Variants in CACTIN observed in about 807,000 individuals in gnomAD.
The protein encoded by CACTIN is splicing factor Cactin.
Under a neutral mutation model 84.9 loss-of-function variants are expected in CACTIN, and 20 were observed. The ratio of observed to expected loss-of-function variants is 0.24; its 90% CI spans 0.17 to 0.34. The LOEUF (loss-of-function observed/expected upper bound fraction) is 0.34, where lower values mean the gene tolerates loss of function less well. Among genes scored for constraint, CACTIN ranks in the 10% least tolerant of loss-of-function variants. The probability of loss-of-function intolerance (pLI) is 1.00; values close to 1 mark genes in which losing one functional copy is unlikely to be tolerated. For synonymous variants in CACTIN, 549 were observed against 467.9 expected, an observed-to-expected ratio of 1.17 and a Z score of -2.24; for missense variants, 897 against 1,117.2, an observed-to-expected ratio of 0.80 and a Z score of 2.81.
rs2158935 is a variant in CACTIN, at chr19:3,611,974, G to A, written c.2226C>T (p.Asn742=). The part of the protein sequence containing the change: ...HRHGFRCQFA[N]GIFQLWFHFK... ...AGTGAAACCACAGCTGGAAGATGCC[G>A]TTGGCAAACTGGCAGCGGAAGCCGT... is the stretch of plus-strand genomic sequence containing the variant. The change falls in exon 10 of 10, where the codon AAC becomes AAT. Residue 742 remains asparagine (N), a synonymous_variant. Coordinates refer to ENST00000429344, the MANE Select transcript of CACTIN (RefSeq NM_001080543.2). 0.55 allele frequency: 885,716 copies of A among 1,613,398 alleles called. 247,460 individuals carry two copies. The highest frequency in any genetic ancestry group is 0.64 in the Admixed American group (38,180 of 60,002).
At chr19:3,619,995 C>A in intron 4 of CACTIN, 132 bp downstream of exon 4, 1 of 1,089,374 alleles carries the variant, frequency 9.2e-7, no homozygotes, top group Non-Finnish European at 1.3e-6. Flanking sequence ...GGGAAGGGGT[C>A]AGGAAGGGAA....
In CACTIN at chr19:3,613,341, G is replaced by T. The variant is rs780319353; in HGVS notation, c.1503C>A (p.Pro501=). 6.6e-7 allele frequency: 1 copy of T among 1,515,582 alleles called. No individual in the cohort carries two copies. The highest frequency in any genetic ancestry group is 1.3e-5 in the South Asian group (1 of 79,124). 93.9% of individuals were successfully genotyped at this position (1,515,582 alleles called of 1,614,324 possible). Residue 501 remains proline (P), a synonymous_variant, in exon 9 of 10, where the codon CCC becomes CCA. Coordinates refer to ENST00000429344, the MANE Select transcript of CACTIN (RefSeq NM_001080543.2). ...CCTCCGAGGAGGGCCCGGGCGGGGT[G>T]GGCGCCGCGTCCTCAGGCTCCAGGC... The part of the protein sequence containing the change: ...SRSLEPEDAA[P]TPPGPSSEGG...
At chr19:3,623,356 T>C (rs112409745) in intron 2 of CACTIN, among the ~76,000 whole-genome samples, 2,460 of 152,070 alleles carry the variant, frequency 0.016, 70 homozygotes, top group African/African-American at 0.057. Context: ...GGTGAAACCC[T>C]GTCTCTACTA....
chr19:3,611,849 G>T lies in CACTIN; in HGVS notation c.*74C>A. 1 of 1,563,266 alleles carries T rather than the reference G, an allele frequency of 6.4e-7. No individual in the cohort carries two copies. ...GCCCTGCAGCCCAGACAGCGGCCCCGGAGTGACCACCAGCTTCACCGAAGC... is the reference window on the plus strand; with the variant it reads ...GCCCTGCAGCCCAGACAGCGGCCCCTGAGTGACCACCAGCTTCACCGAAGC... On this transcript the variant is annotated 3_prime_UTR_variant, in exon 10 of 10. Coordinates refer to ENST00000429344, the MANE Select transcript of CACTIN (RefSeq NM_001080543.2).
rs757338685 is a variant in CACTIN, at chr19:3,613,601, C to A, written c.1356-15G>T. Reference sequence around the variant, plus strand: ...GCTCACGCAGCCTGGGACGCAGAGCCGGGGTCACCCGCATGGAGGCGAAGG... The same window carrying A: ...GCTCACGCAGCCTGGGACGCAGAGCAGGGGTCACCCGCATGGAGGCGAAGG... On this transcript the variant is annotated splice_polypyrimidine_tract_variant and intron_variant, in intron 7 of 9. Transcript: ENST00000429344. 46 of 1,592,236 alleles carry A rather than the reference C, an allele frequency of 2.9e-5. No individual in the cohort carries two copies. In the African/African-American group the frequency reaches 5.8e-4, roughly 20 times the overall value.
At chr19:3,620,392 C>G (rs548440818) in intron 3 of CACTIN, 120 bp from the exon 4 acceptor site, 4 of 1,158,112 alleles carry the variant, frequency 3.5e-6, no homozygotes, top group Non-Finnish European at 5.0e-6. Context: ...GGGATTGGTC[C>G]GGAGATGCCT....
intron 4 of CACTIN, 45 bp from the exon 5 acceptor site, chr19:3,619,287 C>T (rs755064888): frequency 6.3e-7 from 1 of 1,591,964 alleles, no homozygotes; most frequent in Non-Finnish European, 8.5e-7. Flanking sequence ...GGGCTGTGCC[C>T]TCCATGCTAA....
At chr19:3,618,257 A>G (rs2033148759) in intron 6 of CACTIN, among the ~76,000 whole-genome samples, 2 of 150,290 alleles carry the variant, frequency 1.3e-5, no homozygotes, top group Admixed American at 6.6e-5. Flanking sequence ...TGCGGTTGTC[A>G]GGACTAGGGG....
At chr19:3,622,168 C>T (rs2033237620) in intron 2 of CACTIN, among the ~76,000 whole-genome samples, 2 of 152,016 alleles carry the variant, frequency 1.3e-5, no homozygotes, top group Middle Eastern at 3.4e-3. Flanking sequence ...GAGTTCGAGA[C>T]CAGCCTGACC....
At position 3,611,370 on chromosome 19, in the gene CACTIN, C is replaced by G; in HGVS notation, c.*553G>C. 2.2e-6 allele frequency: 1 copy of G among 447,226 alleles called. No homozygotes were observed. The highest frequency in any genetic ancestry group is 4.4e-6 in the Non-Finnish European group (1 of 224,860). 27.7% of individuals were successfully genotyped at this position (447,226 alleles called of 1,614,324 possible). Reference sequence around the variant, plus strand: ...GGTCCCGGCCTCAGTGCTGCCTGTGCGGGCGAGGGTGGCCTGTGGGCAGGG... The same window carrying G: ...GGTCCCGGCCTCAGTGCTGCCTGTGGGGGCGAGGGTGGCCTGTGGGCAGGG... On this transcript the variant is annotated 3_prime_UTR_variant, in exon 10 of 10. Coordinates refer to ENST00000429344, the MANE Select transcript of CACTIN (RefSeq NM_001080543.2).
chr19:3,624,033 C>A lies in CACTIN; in HGVS notation c.297G>T (p.Trp99Cys). The change falls in exon 2 of 10, where the codon TGG becomes TGT. Residue 99 changes from tryptophan to cysteine, a missense_variant. This residue lies in a region of CACTIN where 261 missense variants were observed against 243.8 expected (regional missense o/e 1.07). Coordinates refer to ENST00000429344, the MANE Select transcript of CACTIN (RefSeq NM_001080543.2). ...DSGEEQSRGQ[W>C]ARRRRRARSW... The stretch of plus-strand genomic sequence containing the variant: ...AGCGTGCGCGCCGTCGCCGGCGAGC[C>A]CACTGGCCCCGTGACTGCTCCTCTC... 2.5e-6 allele frequency: 4 copies of A among 1,605,452 alleles called. No individual in the cohort carries two copies. The highest frequency in any genetic ancestry group is 3.4e-6 in the Non-Finnish European group (4 of 1,179,704).
chr19:3,611,758 T>G lies in CACTIN; in HGVS notation c.*165A>C. ...GGCAGGCTCAATGGTGACCCCCCTT[T>G]TATATAGGAGGAAACTGAGGCCTGG... On this transcript the variant is annotated 3_prime_UTR_variant, in exon 10 of 10. Transcript: ENST00000429344. 2.2e-5 allele frequency: 20 copies of G among 891,038 alleles called. No individual in the cohort carries two copies. Among genetic ancestry groups the G allele is most frequent in the Non-Finnish European group, 2.7e-5 (15 of 563,460 alleles). 55.2% of individuals were successfully genotyped at this position (891,038 alleles called of 1,614,324 possible). A position where few individuals can be genotyped will look rare whatever the true frequency, so the allele number is the denominator to read the frequency against.
chr19:3,624,540 C>G (rs1191553361), intron 1 of CACTIN, among the ~76,000 whole-genome samples: 2 of 152,008 alleles, frequency 1.3e-5, no homozygotes, highest in Non-Finnish European at 2.9e-5. Context: ...CGAGGCAGAG[C>G]AAGAGCGAGG....
Position 3,611,984 on chromosome 19 carries a change from T to C in CACTIN, c.2216A>G (p.Gln739Arg), listed in dbSNP as rs750426626. 1 of 1,613,692 alleles carries C rather than the reference T, an allele frequency of 6.2e-7. No individual in the cohort carries two copies. Among genetic ancestry groups the C allele is most frequent in the East Asian group, 2.2e-5 (1 of 44,890 alleles). The change falls in exon 10 of 10, where the codon CAG becomes CGG. Residue 739 changes from glutamine to arginine, a missense_variant. By Grantham distance (43) the Gln-to-Arg change is conservative. Coordinates refer to ENST00000429344, the MANE Select transcript of CACTIN (RefSeq NM_001080543.2). ...CAGCTGGAAGATGCCGTTGGCAAAC[T>C]GGCAGCGGAAGCCGTGGCGGTGCGA... The part of the protein sequence containing the change: ...EYSHRHGFRC[Q>R]FANGIFQLWF...
rs1048961454 is a variant in CACTIN at position 3,611,156 on chromosome 19, G to T, written c.*767C>A. On this transcript the variant is annotated 3_prime_UTR_variant, in exon 10 of 10. Transcript: ENST00000429344. ...CTCCAGGCCCTGTGCTCAGAGGTGGGGGGAGGACGGCTCAGTGACTTTTGG... is the reference window on the plus strand; with the variant it reads ...CTCCAGGCCCTGTGCTCAGAGGTGGTGGGAGGACGGCTCAGTGACTTTTGG... The T allele has an allele frequency of 5.1e-6, 2 of 390,762 alleles. No individual in the cohort carries two copies. The highest frequency in any genetic ancestry group is 1.0e-5 in the Non-Finnish European group (2 of 193,720). 24.2% of individuals were successfully genotyped at this position (390,762 alleles called of 1,614,324 possible). A position where few individuals can be genotyped will look rare whatever the true frequency, so the allele number is the denominator to read the frequency against.
At chr19:3,616,758 C>A (rs1470591371) in intron 6 of CACTIN, 1 of 152,282 alleles carries the variant, frequency 6.6e-6, no homozygotes, top group African/African-American at 2.4e-5. Flanking sequence ...GGAGGTGAGG[C>A]AGGAGGATTG....
At chr19:3,612,749 G>A (rs1472944676) in intron 9 of CACTIN, 2 of 697,754 alleles carry the variant, frequency 2.9e-6, no homozygotes, top group Non-Finnish European at 5.2e-6. Flanking sequence ...CTGGCCCAGG[G>A]GTTTTCTGAA....
At chr19:3,618,734 G>A in intron 6 of CACTIN, 141 bp downstream of exon 6, 1 of 669,806 alleles carries the variant, frequency 1.5e-6, no homozygotes, top group Non-Finnish European at 2.5e-6. Context: ...CCCCCTGGTG[G>A]CTCGGCCCAG....
chr19:3,621,500 A>C (rs1214778315), intron 2 of CACTIN, among the ~76,000 whole-genome samples: 2 of 152,142 alleles, frequency 1.3e-5, no homozygotes, highest in Non-Finnish European at 2.9e-5. Context: ...CCAGGGACAC[A>C]GGCTGCCTGG....
Sources: gnomAD v4.1 joint callset for allele counts (sites outside exome capture counted in the v4.1 genomes callset) on GRCh38, gnomAD v4.1.1 for gene constraint, gnomAD v4.1.1 regional missense constraint, MANE v1.5 for transcripts, NCBI Gene and HGNC (gene_info 2026-07-23, HGNC 2026-07-21) for gene names.